The following YLPM1 variants were observed in gnomAD, a reference collection of about 807,000 sequenced individuals.
YLPM1 encodes the protein YLP motif containing 1, also known as YLP motif-containing protein 1.
In YLPM1, 99 loss-of-function variants were observed where a neutral mutation model predicts 230.0. The observed-to-expected ratio is 0.43, with a 90% confidence interval of 0.37 to 0.51. The LOEUF is 0.51. Among genes scored for constraint, YLPM1 ranks in the 20% least tolerant of loss-of-function variants. YLPM1 has a pLI of 0.00. For synonymous variants in YLPM1, 984 were observed against 942.5 expected, an observed-to-expected ratio of 1.04 and a Z score of -0.81; for missense variants, 2,592 against 2,707.7, an observed-to-expected ratio of 0.96 and a Z score of 0.95.
chr14:74,771,667 T>A (rs755056559), intron 1 of YLPM1, among the ~76,000 whole-genome samples: 1 of 152,094 alleles, frequency 6.6e-6, no homozygotes, highest in East Asian at 1.9e-4. Context: ...CCTACTGACA[T>A]GTAGATTATT....
intron 19 of YLPM1, among the ~76,000 whole-genome samples, chr14:74,833,265 T>C (rs1213379362): frequency 1.3e-5 from 2 of 152,148 alleles, no homozygotes; most frequent in Non-Finnish European, 2.9e-5. Flanking sequence ...AATTAATTAT[T>C]ATTGAGGTAG....
intron 6 of YLPM1, among the ~76,000 whole-genome samples, chr14:74,807,265 AC>A (rs2091389281): frequency 6.6e-6 from 1 of 152,302 alleles, no homozygotes; most frequent in African/African-American, 2.4e-5. Context: ...TAAAGAAAAA[AC>A]ATCCTAGAAT....
chr14:74,818,782 T>A (rs2091498768), intron 16 of YLPM1, among the ~76,000 whole-genome samples: 1 of 152,228 alleles, frequency 6.6e-6, no homozygotes, highest in Non-Finnish European at 1.5e-5. Context: ...ATATAGAAAT[T>A]TTCAAAAATC....
chr14:74,806,590 AT>A (rs1181773291), intron 6 of YLPM1, among the ~76,000 whole-genome samples: 11 of 152,220 alleles, frequency 7.2e-5, no homozygotes, highest in Non-Finnish European at 1.3e-4. Flanking sequence ...TCTCAAAAAA[AT>A]ATATAAATAA....
In YLPM1 at chr14:74,814,867, GT is replaced by G. The variant is rs756047601; in HGVS notation, c.5503-1330del. ...AGGCTTAGGCTTTTCTTTGTGTGTA[GT>G]TTTTTAAAATTATTGTCTTAGATTC... On this transcript the variant is annotated intron_variant, in intron 11 of 20. Transcript: ENST00000325680. Among the ~76,000 whole-genome samples, 10 of 152,262 alleles carry G rather than the reference GT, an allele frequency of 6.6e-5. No individual in the cohort carries two copies. In the East Asian group the frequency reaches 1.9e-3, roughly 29 times the overall value.
In YLPM1 at chr14:74,818,433, C is replaced by G. The variant is rs532875553; in HGVS notation, c.6030+119C>G. On this transcript the variant is annotated intron_variant, in intron 16 of 20. Coordinates refer to ENST00000325680, the MANE Select transcript of YLPM1 (RefSeq NM_019589.3). ...AATAGTATTCATACAAGAACACCTA[C>G]TGATATGCCTTTCATTGAGATCACG... is the stretch of plus-strand genomic sequence containing the variant. The G allele has an allele frequency of 7.6e-6, 5 of 658,872 alleles. No individual in the cohort carries two copies. In the Admixed American group the frequency reaches 1.7e-4, roughly 23 times the overall value. 40.8% of individuals were successfully genotyped at this position (658,872 alleles called of 1,614,324 possible).
At chr14:74,818,159 GTTT>G (rs1161662519) in intron 15 of YLPM1, 69 bp from the exon 16 acceptor site, 4 of 828,800 alleles carry the variant, frequency 4.8e-6, no homozygotes, top group Non-Finnish European at 7.1e-6. Context: ...GTTAAATGTT[GTTT>G]ATCTTGGATG....
rs2091064950 is a variant in YLPM1 at position 74,778,651 on chromosome 14, G to C, written c.1078G>C (p.Val360Leu). 1 of 1,581,484 alleles carries C rather than the reference G, an allele frequency of 6.3e-7. No individual in the cohort carries two copies. The change falls in exon 2 of 21, where the codon GTG becomes CTG. Residue 360 changes from valine to leucine, a missense_variant. This residue lies in a region of YLPM1 where 1,862 missense variants were observed against 1,819.8 expected (regional missense o/e 1.02). Coordinates refer to ENST00000325680, the MANE Select transcript of YLPM1 (RefSeq NM_019589.3). ...CCCATTGCCACCTCCAAATGAGGAA[G>C]TGCCACCTCCTCTCCCACCTGAGGA... ...EPPLPPPNEEVPPPLPPEEPQ... is the reference protein window; with the variant it reads ...EPPLPPPNEELPPPLPPEEPQ...
At chr14:74,765,115 T>C (rs915340521) in intron 1 of YLPM1, among the ~76,000 whole-genome samples, 1 of 152,176 alleles carries the variant, frequency 6.6e-6, no homozygotes, top group African/African-American at 2.4e-5. Flanking sequence ...AAAAGTTTGG[T>C]GATATCTTTT....
chr14:74,803,947 C>T (rs1342599134), intron 6 of YLPM1, among the ~76,000 whole-genome samples: 2 of 152,148 alleles, frequency 1.3e-5, no homozygotes, highest in Admixed American at 6.5e-5. Context: ...CACTTGAGGT[C>T]GGGAGTTTGA....
At chr14:74,802,433 A>C in intron 5 of YLPM1, 123 bp from the exon 6 acceptor site, 13 of 1,062,280 alleles carry the variant, frequency 1.2e-5, no homozygotes, top group South Asian at 1.9e-5. Flanking sequence ...GTGTATGGCC[A>C]CTGCAGAGAA....
At chr14:74,812,402 T>C (rs2091442019) in intron 10 of YLPM1, among the ~76,000 whole-genome samples, 1 of 152,234 alleles carries the variant, frequency 6.6e-6, no homozygotes, top group South Asian at 2.1e-4. Flanking sequence ...ATGAATTCAG[T>C]GTTTTGCAGA....
chr14:74,791,750 T>A (rs2091209287), intron 4 of YLPM1, among the ~76,000 whole-genome samples: 1 of 152,202 alleles, frequency 6.6e-6, no homozygotes. Flanking sequence ...CTCCTTGAGG[T>A]TAGGCATGAC....
chr14:74,783,008 A>G (rs144274765), intron 4 of YLPM1, among the ~76,000 whole-genome samples: 1 of 152,058 alleles, frequency 6.6e-6, no homozygotes, highest in East Asian at 1.9e-4. Flanking sequence ...ATTTTTTCCA[A>G]GTTTGTAAAA....
intron 19 of YLPM1, chr14:74,834,838 G>A (rs893614357): frequency 6.3e-6 from 1 of 157,506 alleles, no homozygotes; most frequent in Non-Finnish European, 1.4e-5. Flanking sequence ...TGCCTGGTAG[G>A]TAGGGGAAGG....
chr14:74,808,219 A>G (rs1025790479), intron 6 of YLPM1, among the ~76,000 whole-genome samples: 2 of 152,236 alleles, frequency 1.3e-5, no homozygotes, highest in African/African-American at 4.8e-5. Flanking sequence ...GGCATTTTGT[A>G]TAAATGAATT....
At chr14:74,772,134 T>C (rs1168030077) in intron 1 of YLPM1, among the ~76,000 whole-genome samples, 1 of 152,090 alleles carries the variant, frequency 6.6e-6, no homozygotes, top group Non-Finnish European at 1.5e-5. Context: ...AGTTCTCCAC[T>C]TGGAAAATCA....
intron 1 of YLPM1, among the ~76,000 whole-genome samples, chr14:74,777,226 G>T (rs745480604): frequency 1.4e-4 from 22 of 152,042 alleles, no homozygotes; most frequent in Non-Finnish European, 2.8e-4. Context: ...AGCATAATTT[G>T]GAAGATAAAG....
At chr14:74,811,204 G>A (rs2091431061) in intron 9 of YLPM1, among the ~76,000 whole-genome samples, 1 of 152,110 alleles carries the variant, frequency 6.6e-6, no homozygotes. Flanking sequence ...AATATTGGCC[G>A]GGCGTAGTGG....
Sources: allele counts gnomAD v4.1 joint callset (sites outside exome capture counted in the v4.1 genomes callset), GRCh38; gene constraint gnomAD v4.1.1; regional missense constraint gnomAD v4.1.1; transcripts MANE v1.5; gene names NCBI Gene and HGNC (gene_info 2026-07-23, HGNC 2026-07-21).